The following TECRL variants were observed in gnomAD, a reference collection of about 807,000 sequenced individuals.
TECRL encodes the protein trans-2,3-enoyl-CoA reductase like.
A neutral mutation model predicts 52.8 loss-of-function variants in TECRL; 63 were observed. That is an observed-to-expected ratio of 1.19 (90% CI 0.97 to 1.47). The LOEUF is 1.47. TECRL is among the 40% of genes most tolerant of loss of function. TECRL has a pLI of 0.00. For missense variants in TECRL, 482 were observed against 429.6 expected, an observed-to-expected ratio of 1.12 and a Z score of -1.08; for synonymous variants, 164 against 141.9, an observed-to-expected ratio of 1.16 and a Z score of -1.10.
chr4:64,281,315 T>C (rs924802835), intron 10 of TECRL, among the ~76,000 whole-genome samples, 159 bp downstream of exon 10: 1 of 151,866 alleles, frequency 6.6e-6, no homozygotes, highest in Non-Finnish European at 1.5e-5. Flanking sequence ...TTTGAAAAAA[T>C]TGTGATTGAA....
At chr4:64,341,601 A>G (rs528047518) in intron 2 of TECRL, among the ~76,000 whole-genome samples, 1 of 152,158 alleles carries the variant, frequency 6.6e-6, no homozygotes, top group East Asian at 1.9e-4. Context: ...GTAAAACTCC[A>G]TCTAAAAAAA....
chr4:64,290,590 TA>T, intron 8 of TECRL, among the ~76,000 whole-genome samples: 1 of 152,302 alleles, frequency 6.6e-6, no homozygotes, highest in Non-Finnish European at 1.5e-5. Flanking sequence ...ATTAATCTCA[TA>T]AAATATATCG....
downstream of TECRL, among the ~76,000 whole-genome samples, chr4:64,277,379 G>T (rs964115745): frequency 3.3e-5 from 5 of 151,796 alleles, no homozygotes; most frequent in African/African-American, 4.8e-5. Context: ...GCTGCATTAG[G>T]TATATATGAT....
At chr4:64,389,113 T>C (rs1379819055) in intron 1 of TECRL, among the ~76,000 whole-genome samples, 2 of 151,952 alleles carry the variant, frequency 1.3e-5, no homozygotes, top group Non-Finnish European at 1.5e-5. Context: ...AAACTCTTTA[T>C]TTCCTTTTTT....
chr4:64,387,073 G>T (rs980384672), intron 1 of TECRL, among the ~76,000 whole-genome samples: 2 of 152,064 alleles, frequency 1.3e-5, no homozygotes, highest in Non-Finnish European at 2.9e-5. Flanking sequence ...AAAATCCTCT[G>T]TGCTTCACAC....
intron 1 of TECRL, among the ~76,000 whole-genome samples, chr4:64,393,777 T>A (rs1361851024): frequency 6.6e-6 from 1 of 151,842 alleles, no homozygotes. Context: ...ATTAAAAAAA[T>A]TATTATCTGG....
At chr4:64,382,832 G>A (rs1344305070) in intron 1 of TECRL, among the ~76,000 whole-genome samples, 2 of 151,560 alleles carry the variant, frequency 1.3e-5, no homozygotes, top group Middle Eastern at 3.2e-3. Flanking sequence ...TTTCTGTAGC[G>A]GTAACATTTG....
At chr4:64,389,454 A>G (rs561522342) in intron 1 of TECRL, among the ~76,000 whole-genome samples, 1 of 152,120 alleles carries the variant, frequency 6.6e-6, no homozygotes, top group South Asian at 2.1e-4. Flanking sequence ...GGCTTGCACA[A>G]GTAGGATAAA....
chr4:64,300,234 C>A (rs1723937926), intron 7 of TECRL, among the ~76,000 whole-genome samples: 1 of 150,090 alleles, frequency 6.7e-6, no homozygotes, highest in African/African-American at 2.4e-5. Context: ...ATTTAAATTA[C>A]AAATGGAATA....
chr4:64,387,151 T>C (rs1468908978), intron 1 of TECRL, among the ~76,000 whole-genome samples: 2 of 152,184 alleles, frequency 1.3e-5, no homozygotes, highest in African/African-American at 4.8e-5. Flanking sequence ...GAAAGTCATA[T>C]GGTTGAAATC....
intron 1 of TECRL, among the ~76,000 whole-genome samples, chr4:64,401,780 A>T (rs555525746): frequency 6.6e-5 from 10 of 152,260 alleles, no homozygotes; most frequent in African/African-American, 2.4e-4. Context: ...ATGTTATTTA[A>T]GCTTTATGTA....
At chr4:64,345,896 T>A (rs1315231156) in intron 2 of TECRL, among the ~76,000 whole-genome samples, 1 of 9,132 alleles carries the variant, frequency 1.1e-4, no homozygotes, top group African/African-American at 3.2e-4. Flanking sequence ...CACTGATGGG[T>A]GCCTCAACAG....
At chr4:64,305,567 A>G (rs1351140425) in intron 6 of TECRL, among the ~76,000 whole-genome samples, 1 of 152,110 alleles carries the variant, frequency 6.6e-6, no homozygotes, top group African/African-American at 2.4e-5. Flanking sequence ...TATGGTTAAG[A>G]ATTTCTTGTT....
At chr4:64,327,815 A>T (rs1560502573) in intron 3 of TECRL, among the ~76,000 whole-genome samples, 3 of 152,014 alleles carry the variant, frequency 2.0e-5, no homozygotes, top group Non-Finnish European at 2.9e-5. Context: ...ATAGAAAAAA[A>T]ATTCAACTCA....
At chr4:64,389,308 T>G (rs146950309) in intron 1 of TECRL, among the ~76,000 whole-genome samples, 1 of 151,870 alleles carries the variant, frequency 6.6e-6, no homozygotes, top group East Asian at 1.9e-4. Context: ...CCTACTTTAT[T>G]GAGACTTTTA....
chr4:64,387,917 A>T lies in TECRL; in HGVS notation c.235-12694T>A, dbSNP rs1000522930. Among the ~76,000 whole-genome samples, 3 of 151,908 alleles carry T rather than the reference A, an allele frequency of 2.0e-5. 1 individual carries two copies. The East Asian group carries it at 5.8e-4, about 29-fold the overall frequency. On this transcript the variant is annotated intron_variant, in intron 1 of 11. Coordinates refer to ENST00000381210, the MANE Select transcript of TECRL (RefSeq NM_001010874.5). The stretch of plus-strand genomic sequence containing the variant: ...TTATAAATATATATTACATACATAT[A>T]TGTCTTTTATCAGATAAGACTTTTG...
At chr4:64,388,537 A>G (rs1723331988) in intron 1 of TECRL, among the ~76,000 whole-genome samples, 1 of 151,848 alleles carries the variant, frequency 6.6e-6, no homozygotes, top group Non-Finnish European at 1.5e-5. Context: ...TACTTTAGAA[A>G]CAGTTTGCTA....
intron 7 of TECRL, chr4:64,304,873 T>A (rs1023657429): frequency 1.5e-5 from 3 of 203,110 alleles, no homozygotes; most frequent in African/African-American, 6.9e-5. Flanking sequence ...TATGATTGTA[T>A]AATTATACAA....
rs3045235 is a variant in TECRL at position 64,388,220 on chromosome 4, C to CT, written c.235-12998dup. ...GAAATGTGTAAGATGAGTCTAAATC[C>CT]TTTTTTTTTTTTTTGCATGTGGATG... On this transcript the variant is annotated intron_variant, in intron 1 of 11. Transcript: ENST00000381210. Among the ~76,000 whole-genome samples, 185 of 127,090 alleles carry CT rather than the reference C, an allele frequency of 1.5e-3. 6 individuals are homozygous for CT. Among genetic ancestry groups the CT allele is most frequent in the African/African-American group, 3.8e-3 (134 of 35,314 alleles). The allele number at this position is 127,090 out of a possible 152,430, so 83.4% of individuals were successfully genotyped here.
Sources: allele counts gnomAD v4.1 joint callset (sites outside exome capture counted in the v4.1 genomes callset), GRCh38; gene constraint gnomAD v4.1.1; transcripts MANE v1.5; gene names NCBI Gene and HGNC (gene_info 2026-07-23, HGNC 2026-07-21).